The following NDRG3 variants were observed in gnomAD, a reference collection of about 807,000 sequenced individuals.
NDRG3 encodes the protein protein NDRG3.
A neutral mutation model predicts 57.2 loss-of-function variants in NDRG3; 23 were observed. The observed-to-expected ratio is 0.40, with a 90% CI of 0.29 to 0.57. NDRG3 has a LOEUF of 0.57. NDRG3 is among the 20% of genes least tolerant of loss of function. The pLI, the probability that NDRG3 is intolerant of heterozygous loss-of-function variation, is 0.42. For synonymous variants in NDRG3, 132 were observed against 162.6 expected (o/e 0.81, Z 1.43); for missense variants, 384 against 457.3 (o/e 0.84, Z 1.46).
chr20:36,680,743 C>T, intron 8 of NDRG3, 73 bp downstream of exon 8: 1 of 1,155,766 alleles, frequency 8.7e-7, no homozygotes, highest in East Asian at 2.3e-5. Flanking sequence ...GTATATATAC[C>T]TCAATGAAAA....
At chr20:36,683,442 C>T (rs1030164326) in intron 6 of NDRG3, among the ~76,000 whole-genome samples, 21 of 151,510 alleles carry the variant, frequency 1.4e-4, no homozygotes, top group African/African-American at 4.6e-4. Context: ...CATGAAACCC[C>T]GTCTCTACTA....
intron 12 of NDRG3, among the ~76,000 whole-genome samples, chr20:36,664,093 A>G (rs542945336): frequency 1.3e-5 from 2 of 152,290 alleles, no homozygotes; most frequent in South Asian, 2.1e-4. Context: ...ATGAGCCACC[A>G]TACCTGGCCA....
chr20:36,665,273 T>G lies in NDRG3; in HGVS notation c.721A>C (p.Ile241Leu), dbSNP rs1979526791. 6.2e-7 allele frequency: 1 copy of G among 1,614,128 alleles called. No individual in the cohort carries two copies. The highest frequency in any genetic ancestry group is 1.7e-5 in the Admixed American group (1 of 59,998). The change falls in exon 11 of 16, where the codon ATA becomes CTA. Residue 241 changes from isoleucine to leucine, a missense_variant. Physicochemically the swap from Ile to Leu is conservative, Grantham distance 5. Transcript: ENST00000349004. ...GRRDLEIERP[I>L]LGQNDNKSKT... ...GATTTGTTATCATTTTGGCCCAGTA[T>G]GGGTCTTTCGATCTCCAGGTCTCTG... is the stretch of plus-strand genomic sequence containing the variant.
chr20:36,671,688 G>A (rs1012884470), intron 8 of NDRG3, among the ~76,000 whole-genome samples: 2 of 151,698 alleles, frequency 1.3e-5, no homozygotes, highest in Non-Finnish European at 2.9e-5. Flanking sequence ...TGTAGTCCCT[G>A]CTACTCGGGA....
At chr20:36,674,221 A>T (rs1178257166) in intron 8 of NDRG3, among the ~76,000 whole-genome samples, 31 of 151,952 alleles carry the variant, frequency 2.0e-4, no homozygotes, top group Non-Finnish European at 2.9e-5. Context: ...CTTTTTTGAG[A>T]TGGAGTCTCA....
chr20:36,689,460 CAG>C (rs1220097833), intron 3 of NDRG3, among the ~76,000 whole-genome samples: 1 of 152,102 alleles, frequency 6.6e-6, no homozygotes, highest in Admixed American at 6.6e-5. Context: ...GGTAAAAAAT[CAG>C]AGGTTTTGGA....
chr20:36,656,588 T>C (rs1373993931), intron 13 of NDRG3, 56 bp from the exon 14 acceptor site: 19 of 1,590,314 alleles, frequency 1.2e-5, no homozygotes, highest in African/African-American at 4.0e-5. Context: ...AGAATTGCTC[T>C]GAACACCCCA....
Position 36,660,189 on chromosome 20 carries a change from C to T in NDRG3, c.858+148G>A. On this transcript the variant is annotated intron_variant, in intron 13 of 15. Transcript: ENST00000349004. Reference sequence around the variant, plus strand: ...CGCCACTGCACTCCAGCCAGGGCAACACAGCGGGACTCTGTCTCAAAGAAA... The same window carrying T: ...CGCCACTGCACTCCAGCCAGGGCAATACAGCGGGACTCTGTCTCAAAGAAA... 3 of 540,034 alleles carry T rather than the reference C, an allele frequency of 5.6e-6. No individual in the cohort carries two copies. In the South Asian group the frequency reaches 7.5e-5, roughly 13 times the overall value. The allele number at this position is 540,034 out of a possible 1,614,324, so 33.5% of individuals were successfully genotyped here.
intron 3 of NDRG3, among the ~76,000 whole-genome samples, chr20:36,690,052 T>C (rs1982137140): frequency 1.3e-5 from 2 of 152,228 alleles, no homozygotes; most frequent in Admixed American, 6.5e-5. Context: ...TAACTTCAGC[T>C]TGGCTCTCCT....
At chr20:36,687,858 T>C (rs1981923177) in intron 4 of NDRG3, among the ~76,000 whole-genome samples, 1 of 152,234 alleles carries the variant, frequency 6.6e-6, no homozygotes, top group East Asian at 1.9e-4. Context: ...GAAATTACTT[T>C]GTTAATATTT....
chr20:36,727,061 C>T (rs1301405038), intron 1 of NDRG3, among the ~76,000 whole-genome samples: 1 of 151,856 alleles, frequency 6.6e-6, no homozygotes, highest in South Asian at 2.1e-4. Flanking sequence ...GGACTATAGG[C>T]GCATGCCTCC....
At chr20:36,694,673 T>C (rs900877101) in intron 3 of NDRG3, among the ~76,000 whole-genome samples, 55 of 152,298 alleles carry the variant, frequency 3.6e-4, no homozygotes, top group Admixed American at 3.3e-3. Context: ...TCCTGTGAAG[T>C]CATATACAAC....
Position 36,706,963 on chromosome 20 carries a change from A to C in NDRG3, c.93+9T>G. The C allele has an allele frequency of 1.2e-6, 2 of 1,612,900 alleles. No individual in the cohort carries two copies. The highest frequency in any genetic ancestry group is 1.1e-5 in the South Asian group (1 of 91,044). ...TACAGAGCCTCCTTCTTGCTTGTAC[A>C]GTCCTTACCTGACAGTCAAAGTCCT... On this transcript the variant is annotated intron_variant, in intron 3 of 15. Coordinates refer to ENST00000349004, the MANE Select transcript of NDRG3 (RefSeq NM_032013.4).
intron 1 of NDRG3, among the ~76,000 whole-genome samples, chr20:36,737,737 T>C (rs1985680323): frequency 6.6e-6 from 1 of 152,160 alleles, no homozygotes; most frequent in African/African-American, 2.4e-5. Context: ...TTCTAATGCA[T>C]ATTCTCAGGT....
chr20:36,663,113 T>C (rs1049689347), intron 12 of NDRG3, among the ~76,000 whole-genome samples: 12 of 152,238 alleles, frequency 7.9e-5, no homozygotes, highest in Non-Finnish European at 1.6e-4. Flanking sequence ...AAGTTGCTTC[T>C]TGATAAATTG....
intron 12 of NDRG3, 24 bp from the exon 13 acceptor site, chr20:36,660,408 AAAT>A: frequency 6.3e-7 from 1 of 1,595,664 alleles, no homozygotes; most frequent in African/African-American, 1.3e-5. Context: ...AAAGAGAAGA[AAAT>A]AATTTTATGA....
intron 2 of NDRG3, among the ~76,000 whole-genome samples, chr20:36,718,963 G>T (rs871562): frequency 0.33 from 49,471 of 151,972 alleles, 8,534 homozygotes; most frequent in Middle Eastern, 0.44. Context: ...TTATAGGTGT[G>T]AGCCAGGTTA....
chr20:36,739,654 G>T (rs1338942812), intron 1 of NDRG3, among the ~76,000 whole-genome samples: 2 of 151,560 alleles, frequency 1.3e-5, no homozygotes, highest in African/African-American at 4.8e-5. Flanking sequence ...GGGCGCCGGT[G>T]GCTCACGCCT....
intron 3 of NDRG3, among the ~76,000 whole-genome samples, chr20:36,695,847 T>G (rs1982737902): frequency 6.6e-6 from 1 of 152,216 alleles, no homozygotes; most frequent in Non-Finnish European, 1.5e-5. Context: ...ATGTGATCTC[T>G]GTGACCCACA....
Sources: allele counts gnomAD v4.1 joint callset (sites outside exome capture counted in the v4.1 genomes callset), GRCh38; gene constraint gnomAD v4.1.1; transcripts MANE v1.5; gene names NCBI Gene and HGNC (gene_info 2026-07-23, HGNC 2026-07-21).